Variants in TIMP3 observed in about 807,000 individuals in gnomAD.
The protein encoded by TIMP3 is TIMP metallopeptidase inhibitor 3, also known as metalloproteinase inhibitor 3.
TIMP3 carries 11 observed loss-of-function variants against 30.0 expected under a neutral mutation model. The ratio of observed to expected loss-of-function variants is 0.37; its 90% CI spans 0.23 to 0.61. The LOEUF is 0.61. TIMP3 is among the 20% of genes least tolerant of loss of function. The pLI, the probability that TIMP3 is intolerant of heterozygous loss-of-function variation, is 0.70. For missense variants in TIMP3, 181 were observed against 276.8 expected, an observed-to-expected ratio of 0.65 and a Z score of 2.45; for synonymous variants, 112 against 111.3, an observed-to-expected ratio of 1.01 and a Z score of -0.04.
chr22:32,820,410 C>G (rs2047214185), intron 1 of TIMP3, among the ~76,000 whole-genome samples: 1 of 151,674 alleles, frequency 6.6e-6, no homozygotes, highest in Admixed American at 6.6e-5. Context: ...TGTCATCCTC[C>G]TCTGCTCATC....
At chr22:32,826,685 G>A (rs2047424195) in intron 1 of TIMP3, among the ~76,000 whole-genome samples, 2 of 152,250 alleles carry the variant, frequency 1.3e-5, no homozygotes, top group South Asian at 4.1e-4. Flanking sequence ...TGGCATCTTA[G>A]TTAGCCTATT....
rs148514268 is a variant in TIMP3 at position 32,839,977 on chromosome 22, G to A, written c.122-9475G>A. Among the ~76,000 whole-genome samples the A allele has an allele frequency of 8.2e-4, 125 of 152,126 alleles. 1 individual carries two copies. The East Asian group carries it at 0.022, about 27-fold the overall frequency. On this transcript the variant is annotated intron_variant, in intron 1 of 4. Transcript: ENST00000266085. Reference sequence around the variant, plus strand: ...GCTCACAAGGTGAGGAGAGCCAGGAGCTCACAAAGGCCCCTCCTCCCCTTC... The same window carrying A: ...GCTCACAAGGTGAGGAGAGCCAGGAACTCACAAAGGCCCCTCCTCCCCTTC...
chr22:32,844,716 T>A (rs2048012465), intron 1 of TIMP3, among the ~76,000 whole-genome samples: 1 of 151,812 alleles, frequency 6.6e-6, no homozygotes, highest in Admixed American at 6.6e-5. Flanking sequence ...TTCTTCCTTT[T>A]TTTTTTTTGC....
At chr22:32,849,084 G>C (rs1192067869) in intron 1 of TIMP3, among the ~76,000 whole-genome samples, 1 of 152,228 alleles carries the variant, frequency 6.6e-6, no homozygotes, top group East Asian at 1.9e-4. Context: ...CCATGGCATT[G>C]TCAGATGGAC....
chr22:32,826,627 A>G (rs1205061895), intron 1 of TIMP3, among the ~76,000 whole-genome samples: 1 of 152,162 alleles, frequency 6.6e-6, no homozygotes, highest in Non-Finnish European at 1.5e-5. Context: ...AAAAAACTAG[A>G]TATTCACTAT....
intron 1 of TIMP3, among the ~76,000 whole-genome samples, chr22:32,808,581 C>T (rs906706311): frequency 6.6e-6 from 1 of 152,156 alleles, no homozygotes; most frequent in Non-Finnish European, 1.5e-5. Flanking sequence ...CCCTGCCTAC[C>T]TCATCCTCAT....
chr22:32,823,351 A>T (rs533849060), intron 1 of TIMP3, among the ~76,000 whole-genome samples: 2 of 152,058 alleles, frequency 1.3e-5, no homozygotes, highest in Non-Finnish European at 2.9e-5. Flanking sequence ...GCCGCAAGGG[A>T]TGTTTCTGTT....
intron 1 of TIMP3, among the ~76,000 whole-genome samples, chr22:32,805,754 T>C (rs1197619683): frequency 6.6e-6 from 1 of 151,938 alleles, no homozygotes; most frequent in Non-Finnish European, 1.5e-5. Flanking sequence ...TAAAACGTAT[T>C]ATCAGTTATA....
rs1416706217 is a variant in TIMP3, at chr22:32,848,080, A to G, written c.122-1372A>G. 2.0e-5 allele frequency among the ~76,000 whole-genome samples: 3 copies of G among 152,292 alleles called. No individual in the cohort carries two copies. In the East Asian group the frequency reaches 5.8e-4, roughly 29 times the overall value. ...TGTCCATTTGCTCCTCCATGTGCCA[A>G]TTTTACAAATACCTGAAGACAGCTC... On this transcript the variant is annotated intron_variant, in intron 1 of 4. Transcript: ENST00000266085.
At chr22:32,820,261 TGC>T (rs1254249208) in intron 1 of TIMP3, among the ~76,000 whole-genome samples, 11 of 147,778 alleles carry the variant, frequency 7.4e-5, no homozygotes, top group South Asian at 2.3e-4. Context: ...TGTGTGTGTG[TGC>T]GTGCGCGTGT....
chr22:32,849,178 C>T (rs771988148), intron 1 of TIMP3, among the ~76,000 whole-genome samples: 8 of 152,108 alleles, frequency 5.3e-5, no homozygotes, highest in Non-Finnish European at 1.0e-4. Context: ...TCCTCAGGGT[C>T]GGCGGGGGTT....
intron 1 of TIMP3, among the ~76,000 whole-genome samples, chr22:32,830,083 A>G (rs1476488036): frequency 6.6e-6 from 1 of 152,178 alleles, no homozygotes; most frequent in Non-Finnish European, 1.5e-5. Flanking sequence ...TTTCAGGAGG[A>G]GGAAGGTTGG....
chr22:32,849,367 G>T, intron 1 of TIMP3, 85 bp from the exon 2 acceptor site: 1 of 1,163,356 alleles, frequency 8.6e-7, no homozygotes, highest in Non-Finnish European at 1.3e-6. Context: ...AGGCTCCACA[G>T]AGGCTAGCGT....
chr22:32,852,276 A>C (rs2048240281), intron 2 of TIMP3, among the ~76,000 whole-genome samples: 1 of 152,236 alleles, frequency 6.6e-6, no homozygotes, highest in South Asian at 2.1e-4. Context: ...ATGGAGCAGC[A>C]GGCTGATTCA....
chr22:32,828,077 G>T (rs2047464744), intron 1 of TIMP3, among the ~76,000 whole-genome samples: 1 of 152,246 alleles, frequency 6.6e-6, no homozygotes, highest in Non-Finnish European at 1.5e-5. Context: ...CACCAGGAGA[G>T]TAGAGACCTT....
intron 1 of TIMP3, among the ~76,000 whole-genome samples, chr22:32,826,719 G>A (rs111263406): frequency 1.3e-5 from 2 of 152,288 alleles, no homozygotes; most frequent in African/African-American, 4.8e-5. Flanking sequence ...AATGTACTAC[G>A]TGTCTTCAGA....
At position 32,860,621 on chromosome 22, in the gene TIMP3, C is replaced by T. The variant is rs1397566147; in HGVS notation, c.*1244C>T. 2 of 152,632 alleles carry T rather than the reference C, an allele frequency of 1.3e-5. No individual in the cohort carries two copies. The highest frequency in any genetic ancestry group is 4.8e-5 in the African/African-American group (2 of 41,436). The allele number at this position is 152,632 out of a possible 1,614,324, so 9.5% of individuals were successfully genotyped here. On this transcript the variant is annotated 3_prime_UTR_variant, in exon 5 of 5. Coordinates refer to ENST00000266085, the MANE Select transcript of TIMP3 (RefSeq NM_000362.5). ...CATGGGTCATCTGACCCCTGTCCGTCTCCTTGTCCCTGCTTCATGTTTGGG... is the reference window on the plus strand; with the variant it reads ...CATGGGTCATCTGACCCCTGTCCGTTTCCTTGTCCCTGCTTCATGTTTGGG...
At position 32,862,305 on chromosome 22, in the gene TIMP3, C is replaced by T. The variant is rs879905574; in HGVS notation, c.*2928C>T. Reference sequence around the variant, plus strand: ...CTCCCAATCAAGGAAGCTCCATGCTCAGGCTCTCAGCTCTCGGGCCAGTGC... The same window carrying T: ...CTCCCAATCAAGGAAGCTCCATGCTTAGGCTCTCAGCTCTCGGGCCAGTGC... On this transcript the variant is annotated 3_prime_UTR_variant, in exon 5 of 5. Coordinates refer to ENST00000266085, the MANE Select transcript of TIMP3 (RefSeq NM_000362.5). 1 of 152,308 alleles carries T rather than the reference C, an allele frequency of 6.6e-6. No individual in the cohort carries two copies. The highest frequency in any genetic ancestry group is 2.4e-5 in the African/African-American group (1 of 41,460). The allele number at this position is 152,308 out of a possible 1,614,324, so 9.4% of individuals were successfully genotyped here. A position where few individuals can be genotyped will look rare whatever the true frequency, so the allele number is the denominator to read the frequency against.
intron 1 of TIMP3, among the ~76,000 whole-genome samples, chr22:32,802,534 C>T (rs1374298107): frequency 3.9e-5 from 6 of 152,014 alleles, no homozygotes; most frequent in African/African-American, 1.5e-4. Context: ...AAAAGTTGCC[C>T]GCCATGTGCA....
Sources: gnomAD v4.1 joint callset for allele counts (sites outside exome capture counted in the v4.1 genomes callset) on GRCh38, gnomAD v4.1.1 for gene constraint, MANE v1.5 for transcripts, NCBI Gene and HGNC (gene_info 2026-07-23, HGNC 2026-07-21) for gene names.